The following SCAI variants were observed in gnomAD, a reference collection of about 807,000 sequenced individuals.
The protein encoded by SCAI is protein SCAI.
A neutral mutation model predicts 92.2 loss-of-function variants in SCAI; 24 were observed. The ratio of observed to expected loss-of-function variants is 0.26; its 90% CI spans 0.19 to 0.37. SCAI has a LOEUF of 0.37. SCAI is among the 10% of genes least tolerant of loss of function. The pLI, the probability that SCAI is intolerant of heterozygous loss-of-function variation, is 1.00. For synonymous variants in SCAI, 261 were observed against 258.6 expected, an observed-to-expected ratio of 1.01 and a Z score of -0.09; for missense variants, 450 against 736.2, an observed-to-expected ratio of 0.61 and a Z score of 4.50.
At chr9:124,961,341 T>C (rs1831431207) in intron 17 of SCAI, among the ~76,000 whole-genome samples, 1 of 151,694 alleles carries the variant, frequency 6.6e-6, no homozygotes, top group African/African-American at 2.4e-5. Flanking sequence ...CGCAATTTAC[T>C]TCAAAATGCA....
At chr9:125,109,958 G>A (rs189324645) in intron 2 of SCAI, among the ~76,000 whole-genome samples, 3 of 152,264 alleles carry the variant, frequency 2.0e-5, no homozygotes, top group East Asian at 3.9e-4. Context: ...AAAGTGCTGG[G>A]ATTACAGGCA....
intron 3 of SCAI, among the ~76,000 whole-genome samples, chr9:125,052,489 G>A (rs1249013046): frequency 1.3e-5 from 2 of 151,916 alleles, no homozygotes; most frequent in Non-Finnish European, 2.9e-5. Flanking sequence ...TGGGTGCCGA[G>A]GCAGGAGAAT....
intron 17 of SCAI, among the ~76,000 whole-genome samples, chr9:124,963,501 G>A (rs1226633842): frequency 1.3e-5 from 2 of 151,940 alleles, no homozygotes; most frequent in Admixed American, 1.3e-4. Flanking sequence ...TGTAATCCTA[G>A]CACTTTAGGA....
chr9:125,134,568 T>C (rs1368852767), intron 2 of SCAI, among the ~76,000 whole-genome samples: 1 of 152,226 alleles, frequency 6.6e-6, no homozygotes, highest in African/African-American at 2.4e-5. Context: ...TGGATCTTGT[T>C]CCTAATAGGA....
At chr9:125,026,445 G>A (rs1440279295) in intron 6 of SCAI, among the ~76,000 whole-genome samples, 1 of 151,416 alleles carries the variant, frequency 6.6e-6, no homozygotes, top group Non-Finnish European at 1.5e-5. Context: ...GGTCCTACAT[G>A]ACAGTTGTCA....
chr9:124,950,212 T>G lies in SCAI; in HGVS notation c.*2595A>C, dbSNP rs1387493310. On this transcript the variant is annotated 3_prime_UTR_variant, in exon 18 of 18. Transcript: ENST00000336505. ...ACACTACAAACAGGGTAAATAGTTCTCTTGGTGGTTGGAGTGGGGAAATCA... is the reference window on the plus strand; with the variant it reads ...ACACTACAAACAGGGTAAATAGTTCGCTTGGTGGTTGGAGTGGGGAAATCA... The G allele has an allele frequency of 6.6e-6, 1 of 152,132 alleles. No individual in the cohort carries two copies. Among genetic ancestry groups the G allele is most frequent in the African/African-American group, 2.4e-5 (1 of 41,414 alleles). The allele number at this position is 152,132 out of a possible 1,614,324, so 9.4% of individuals were successfully genotyped here.
intron 6 of SCAI, among the ~76,000 whole-genome samples, chr9:125,025,686 A>T (rs1213657248): frequency 6.6e-6 from 1 of 152,302 alleles, no homozygotes; most frequent in South Asian, 2.1e-4. Flanking sequence ...TGACAAAAAG[A>T]TATGAAAAAT....
At chr9:125,052,471 G>A (rs565814553) in intron 3 of SCAI, among the ~76,000 whole-genome samples, 1 of 152,066 alleles carries the variant, frequency 6.6e-6, no homozygotes, top group East Asian at 1.9e-4. Flanking sequence ...CTCGGGGTAG[G>A]GGGGCGGTGG....
chr9:125,045,566 G>A (rs1481049835), intron 3 of SCAI, among the ~76,000 whole-genome samples: 2 of 151,926 alleles, frequency 1.3e-5, no homozygotes, highest in African/African-American at 4.8e-5. Flanking sequence ...AAATTCCTGA[G>A]CTCAGGCAAT....
At chr9:125,016,185 TAAAATAA>T (rs1564379759) in intron 9 of SCAI, among the ~76,000 whole-genome samples, 9 of 146,652 alleles carry the variant, frequency 6.1e-5, no homozygotes, top group African/African-American at 1.5e-4. Context: ...TATAATAAAA[TAAAATAA>T]AATAAAATAA....
intron 6 of SCAI, among the ~76,000 whole-genome samples, chr9:125,021,893 T>C (rs1362791302): frequency 6.6e-6 from 1 of 152,158 alleles, no homozygotes; most frequent in Non-Finnish European, 1.5e-5. Flanking sequence ...ATGCAGCTAC[T>C]GATTTTTTTA....
Position 125,028,447 on chromosome 9 carries a change from G to C in SCAI, c.358C>G (p.Arg120Gly). The C allele has an allele frequency of 6.2e-7, 1 of 1,600,004 alleles. No homozygotes were observed. Among genetic ancestry groups the C allele is most frequent in the Non-Finnish European group, 8.5e-7 (1 of 1,174,252 alleles). Residue 120 changes from arginine to glycine, a missense_variant, in exon 5 of 18, where the codon CGC becomes GGC. Arg to Gly is a moderately radical substitution (Grantham distance 125). Around this residue, in one of 3 missense-constraint regions of SCAI, gnomAD observed 360 missense variants for 601.8 expected, o/e 0.60. Coordinates refer to ENST00000336505, the MANE Select transcript of SCAI (RefSeq NM_001144877.3). ...GAAGCAATTTCTCCTATTTGCCAGC[G>C]CTTCAAGCCATACCGATTATCCAAG... ...QVLDNRYGLKRWQIGEIASKI... is the reference protein window; with the variant it reads ...QVLDNRYGLKGWQIGEIASKI...
At chr9:125,051,470 A>G (rs1208083063) in intron 3 of SCAI, among the ~76,000 whole-genome samples, 3 of 152,236 alleles carry the variant, frequency 2.0e-5, no homozygotes, top group African/African-American at 7.2e-5. Context: ...CCTTAGAAAG[A>G]TACGACTCTA....
chr9:125,056,920 C>T (rs1833680393), intron 2 of SCAI, among the ~76,000 whole-genome samples: 1 of 152,172 alleles, frequency 6.6e-6, no homozygotes, highest in South Asian at 2.1e-4. Context: ...CACACACGTA[C>T]ACACACAGAC....
At chr9:124,995,677 G>C (rs1564370931) in intron 13 of SCAI, among the ~76,000 whole-genome samples, 1 of 152,092 alleles carries the variant, frequency 6.6e-6, no homozygotes, top group Non-Finnish European at 1.5e-5. Context: ...TTTTAGTAGA[G>C]ATGGGGTTTC....
chr9:124,970,823 T>C (rs1242649529), intron 17 of SCAI, among the ~76,000 whole-genome samples: 1 of 152,138 alleles, frequency 6.6e-6, no homozygotes, highest in African/African-American at 2.4e-5. Flanking sequence ...TTATTTTTTT[T>C]AATTTTTTGA....
chr9:125,123,010 T>G (rs1205045483), intron 2 of SCAI, among the ~76,000 whole-genome samples: 2 of 150,772 alleles, frequency 1.3e-5, no homozygotes, highest in Non-Finnish European at 3.0e-5. Flanking sequence ...ATGACAATTT[T>G]ATTATCACCA....
Position 125,002,037 on chromosome 9 carries a change from G to A in SCAI, c.1072C>T (p.Pro358Ser), listed in dbSNP as rs922025260. The A allele has an allele frequency of 6.2e-7, 1 of 1,611,658 alleles. No homozygotes were observed. The highest frequency in any genetic ancestry group is 8.5e-7 in the Non-Finnish European group (1 of 1,177,750). The change falls in exon 12 of 18, where the codon CCT becomes TCT. Residue 358 changes from proline to serine, a missense_variant. Coordinates refer to ENST00000336505, the MANE Select transcript of SCAI (RefSeq NM_001144877.3). Reference sequence around the variant, plus strand: ...TAAATCAGAAGCACGCTATTGGCAGGCAGCTCCTGAAATGAAAGAAAATCA... The same window carrying A: ...TAAATCAGAAGCACGCTATTGGCAGACAGCTCCTGAAATGAAAGAAAATCA... The part of the protein sequence containing the change: ...TFLAASFKEL[P>S]ANSVLLIYLS...
chr9:125,043,448 C>T (rs1833369594), intron 3 of SCAI, among the ~76,000 whole-genome samples: 1 of 152,022 alleles, frequency 6.6e-6, no homozygotes, highest in South Asian at 2.1e-4. Context: ...ATTGGTAGAC[C>T]CAGTGGTTTT....
Sources: allele counts gnomAD v4.1 joint callset (sites outside exome capture counted in the v4.1 genomes callset), GRCh38; gene constraint gnomAD v4.1.1; regional missense constraint gnomAD v4.1.1; transcripts MANE v1.5; gene names NCBI Gene and HGNC (gene_info 2026-07-23, HGNC 2026-07-21).